Variants in COL4A2 observed in about 807,000 individuals in gnomAD.
COL4A2 encodes the protein collagen type IV alpha 2 chain, also known as collagen alpha-2(IV) chain.
COL4A2 carries 99 observed loss-of-function variants against 200.2 expected under a neutral mutation model. That is an observed-to-expected ratio of 0.49 (90% CI 0.42 to 0.58). The LOEUF is 0.58. Among genes scored for constraint, COL4A2 ranks in the 20% least tolerant of loss-of-function variants. COL4A2 has a pLI of 0.00. For missense variants in COL4A2, 1,950 were observed against 2,314.1 expected, an observed-to-expected ratio of 0.84 and a Z score of 3.23; for synonymous variants, 897 against 900.6, an observed-to-expected ratio of 1.00 and a Z score of 0.07.
rs557703250 is a variant in COL4A2, at chr13:110,408,892, T to C, written c.181-15842T>C. 7.3e-5 allele frequency among the ~76,000 whole-genome samples: 8 copies of C among 109,740 alleles called. No homozygotes were observed. In the East Asian group the frequency reaches 9.9e-4, roughly 14 times the overall value. The allele number at this position is 109,740 out of a possible 152,430, so 72.0% of individuals were successfully genotyped here. On this transcript the variant is annotated intron_variant, in intron 4 of 47. Transcript: ENST00000360467. ...ATATACACATGGACACGCGCACACG[T>C]TTACACACATGCAGATATACACATG...
chr13:110,511,325 T>C (rs1394977831), intron 47 of COL4A2, among the ~76,000 whole-genome samples: 2 of 151,880 alleles, frequency 1.3e-5, no homozygotes, highest in Non-Finnish European at 2.9e-5. Flanking sequence ...TGAAAAAATA[T>C]ATATTTAATT....
At chr13:110,339,954 T>C (rs1032103428) in intron 3 of COL4A2, among the ~76,000 whole-genome samples, 3 of 152,170 alleles carry the variant, frequency 2.0e-5, no homozygotes, top group African/African-American at 4.8e-5. Flanking sequence ...CTGTTTACAC[T>C]GATTGGAAGG....
intron 28 of COL4A2, among the ~76,000 whole-genome samples, chr13:110,469,906 C>T (rs1397922318): frequency 6.6e-4 from 50 of 75,594 alleles, no homozygotes; most frequent in South Asian, 2.0e-3. Context: ...GCATACACGT[C>T]TTTTTTTTTT....
chr13:110,413,578 G>T (rs941639894), intron 4 of COL4A2, among the ~76,000 whole-genome samples: 4 of 152,212 alleles, frequency 2.6e-5, no homozygotes, highest in Non-Finnish European at 4.4e-5. Context: ...TGGCCCAACC[G>T]CTAGGCACTC....
intron 28 of COL4A2, among the ~76,000 whole-genome samples, chr13:110,470,964 A>G (rs1255352047): frequency 3.3e-5 from 5 of 152,164 alleles, no homozygotes; most frequent in South Asian, 2.1e-4. Flanking sequence ...GGCCCTGGTA[A>G]AAACAACTCT....
chr13:110,332,093 T>C (rs1875945320), intron 3 of COL4A2, among the ~76,000 whole-genome samples: 1 of 152,258 alleles, frequency 6.6e-6, no homozygotes, highest in African/African-American at 2.4e-5. Flanking sequence ...TGTAAAATCA[T>C]GTGATCTGCA....
rs760526189 is a variant in COL4A2, at chr13:110,505,201, T to C, written c.4402+937T>C. Among the ~76,000 whole-genome samples, 11 of 150,900 alleles carry C rather than the reference T, an allele frequency of 7.3e-5. No individual in the cohort carries two copies. The East Asian group carries it at 1.6e-3, about 22-fold the overall frequency. ...CCGTCTCTACTAAAAATACAAAAAA[T>C]TAGCCGGGCGTGGTGGCGGGCGCCA... On this transcript the variant is annotated intron_variant, in intron 45 of 47. Coordinates refer to ENST00000360467, the MANE Select transcript of COL4A2 (RefSeq NM_001846.4).
chr13:110,489,527 G>A lies in COL4A2; in HGVS notation c.3271+19G>A, dbSNP rs781631628. ...GATTTCGGTGAGTGTTGCCCGTCCA[G>A]TGAAAACAGGGAGTCCACAATTCAG... On this transcript the variant is annotated intron_variant, in intron 35 of 47. Coordinates refer to ENST00000360467, the MANE Select transcript of COL4A2 (RefSeq NM_001846.4). The A allele has an allele frequency of 2.9e-5, 46 of 1,613,906 alleles. 1 individual carries two copies. In the South Asian group the frequency reaches 4.7e-4, roughly 17 times the overall value.
At chr13:110,449,529 C>A in intron 18 of COL4A2, 150 bp from the exon 19 acceptor site, 1 of 659,026 alleles carries the variant, frequency 1.5e-6, no homozygotes, top group Non-Finnish European at 2.4e-6. Flanking sequence ...AAAGAGAGAC[C>A]ACCCCATGTA....
At chr13:110,319,845 A>G (rs925427213) in intron 3 of COL4A2, among the ~76,000 whole-genome samples, 1 of 152,148 alleles carries the variant, frequency 6.6e-6, no homozygotes, top group African/African-American at 2.4e-5. Context: ...AGACAGTCTT[A>G]GCTCAGACAG....
intron 20 of COL4A2, among the ~76,000 whole-genome samples, chr13:110,451,359 A>C (rs981222773): frequency 6.6e-6 from 1 of 152,184 alleles, no homozygotes; most frequent in Non-Finnish European, 1.5e-5. Flanking sequence ...CATTTTTACA[A>C]TTTTTTGTAG....
At position 110,482,602 on chromosome 13, in the gene COL4A2, G is replaced by C. The variant is rs756831431; in HGVS notation, c.2845G>C (p.Ala949Pro). 6.2e-7 allele frequency: 1 copy of C among 1,614,158 alleles called. No homozygotes were observed. The highest frequency in any genetic ancestry group is 8.5e-7 in the Non-Finnish European group (1 of 1,180,006). ...RPGFPGSKGEAGFFGIPGLKG... is the reference protein window; with the variant it reads ...RPGFPGSKGEPGFFGIPGLKG... ...CGGGTTTCCAGGGAGCAAAGGCGAG[G>C]CTGGATTTTTCGGAATACCCGGTCT... The change falls in exon 32 of 48, where the codon GCT becomes CCT. Residue 949 changes from alanine (A) to proline (P), a missense_variant. By Grantham distance (27) the Ala-to-Pro change is conservative. Coordinates refer to ENST00000360467, the MANE Select transcript of COL4A2 (RefSeq NM_001846.4).
chr13:110,501,565 G>T (rs1038724467), intron 40 of COL4A2, 103 bp from the exon 41 acceptor site: 1 of 1,042,516 alleles, frequency 9.6e-7, no homozygotes, highest in Non-Finnish European at 1.5e-6. Flanking sequence ...TGTCTCGCTC[G>T]CTAGGCTCTG....
chr13:110,324,215 G>A (rs905549972), intron 3 of COL4A2, among the ~76,000 whole-genome samples: 1 of 152,184 alleles, frequency 6.6e-6, no homozygotes, highest in African/African-American at 2.4e-5. Context: ...AGGTTGGCCA[G>A]TGGCCTTCTT....
Position 110,465,585 on chromosome 13 carries a change from G to T in COL4A2, c.1957G>T (p.Ala653Ser), listed in dbSNP as rs199875726. ...PPGFLGPPGP[A>S]GTPGQIDCDT... is the part of the protein sequence containing the mutation. Reference sequence around the variant, plus strand: ...AGGCTTCCTGGGCCCTCCTGGCCCCGCAGGGACCCCAGGACAAATAGGTAT... The same window carrying T: ...AGGCTTCCTGGGCCCTCCTGGCCCCTCAGGGACCCCAGGACAAATAGGTAT... Residue 653 changes from alanine to serine, a missense_variant, in exon 25 of 48, where the codon GCA becomes TCA. By Grantham distance (99) the Ala-to-Ser change is moderately conservative. Coordinates refer to ENST00000360467, the MANE Select transcript of COL4A2 (RefSeq NM_001846.4). 5 of 1,612,956 alleles carry T rather than the reference G, an allele frequency of 3.1e-6. No individual in the cohort carries two copies. Among genetic ancestry groups the T allele is most frequent in the African/African-American group, 2.7e-5 (2 of 74,974 alleles).
intron 20 of COL4A2, among the ~76,000 whole-genome samples, chr13:110,456,093 G>A (rs927925434): frequency 3.3e-5 from 5 of 152,316 alleles, no homozygotes; most frequent in South Asian, 2.1e-4. Flanking sequence ...GTGCGATGGC[G>A]CGCTCTTTGC....
rs1394231981 is a variant in COL4A2, at chr13:110,508,045, A to G, written c.4705A>G (p.Thr1569Ala). 1 of 1,614,084 alleles carries G rather than the reference A, an allele frequency of 6.2e-7. No homozygotes were observed. The highest frequency in any genetic ancestry group is 1.1e-5 in the South Asian group (1 of 91,078). Reference protein sequence around the residue: ...SRNDKSYWLSTTAPLPMMPVA... With the variant: ...SRNDKSYWLSATAPLPMMPVA... ...GAACGACAAGTCCTACTGGCTCTCTACCACTGCGCCGCTGCCCATGATGCC... is the reference window on the plus strand; with the variant it reads ...GAACGACAAGTCCTACTGGCTCTCTGCCACTGCGCCGCTGCCCATGATGCC... The change falls in exon 47 of 48, where the codon ACC becomes GCC. Residue 1569 changes from threonine to alanine, a missense_variant. By Grantham distance (58) the Thr-to-Ala change is moderately conservative (BLOSUM62 0). Around this residue, in one of 2 missense-constraint regions of COL4A2, gnomAD observed 1,385 missense variants for 1,720.5 expected, o/e 0.80. Transcript: ENST00000360467. This position sits in a 1 kb window ranked among gnomAD's most constrained non-coding sequence, Gnocchi z 6.1.
At chr13:110,389,571 C>A (rs529167043) in intron 4 of COL4A2, among the ~76,000 whole-genome samples, 1 of 152,196 alleles carries the variant, frequency 6.6e-6, no homozygotes, top group Non-Finnish European at 1.5e-5. Flanking sequence ...ACCCCTCTGT[C>A]TTCCCTATGG....
intron 16 of COL4A2, among the ~76,000 whole-genome samples, chr13:110,443,548 A>T (rs538886060): frequency 5.1e-4 from 77 of 152,282 alleles, no homozygotes; most frequent in African/African-American, 1.9e-3. Context: ...CATATATATG[A>T]CCTCACTGAA....
Sources: allele counts gnomAD v4.1 joint callset (sites outside exome capture counted in the v4.1 genomes callset), GRCh38; gene constraint gnomAD v4.1.1; regional missense constraint gnomAD v4.1.1; non-coding constraint Gnocchi (gnomAD v3.1); transcripts MANE v1.5; gene names NCBI Gene and HGNC (gene_info 2026-07-23, HGNC 2026-07-21).